Variants in KMT2E observed in about 807,000 individuals in gnomAD.
KMT2E encodes histone reader KMT2E.
A neutral mutation model predicts 184.6 loss-of-function variants in KMT2E; 30 were observed. The observed-to-expected ratio is 0.16, with a 90% CI of 0.12 to 0.22. The LOEUF is 0.22. KMT2E is among the 10% of genes least tolerant of loss of function. The pLI, the probability that KMT2E is intolerant of heterozygous loss-of-function variation, is 1.00. For synonymous variants in KMT2E, 815 were observed against 776.5 expected (o/e 1.05, Z -0.82); for missense variants, 2,023 against 2,237.4 (o/e 0.90, Z 1.93).
At chr7:105,041,328 G>C (rs758611718) in intron 3 of KMT2E, among the ~76,000 whole-genome samples, 31 of 152,112 alleles carry the variant, frequency 2.0e-4, no homozygotes, top group Non-Finnish European at 4.0e-4. Context: ...TTTTCCTATA[G>C]TATTTGATAT....
At chr7:105,070,484 A>C (rs1040820293) in intron 6 of KMT2E, among the ~76,000 whole-genome samples, 1 of 151,804 alleles carries the variant, frequency 6.6e-6, no homozygotes, top group African/African-American at 2.4e-5. Context: ...AAATACAAAA[A>C]TTAGCCGGGC....
At chr7:105,097,396 T>A (rs969852143) in intron 15 of KMT2E, among the ~76,000 whole-genome samples, 4 of 151,994 alleles carry the variant, frequency 2.6e-5, no homozygotes, top group African/African-American at 9.7e-5. Flanking sequence ...ATTTTTTTCA[T>A]TTTTTTTGAG....
intron 13 of KMT2E, among the ~76,000 whole-genome samples, chr7:105,088,240 G>T (rs766789245): frequency 4.6e-5 from 7 of 152,152 alleles, no homozygotes; most frequent in African/African-American, 7.2e-5. Flanking sequence ...ATGAGAAGAA[G>T]AATAATACTC....
chr7:105,022,813 T>C (rs1795009786), intron 1 of KMT2E, among the ~76,000 whole-genome samples: 1 of 152,218 alleles, frequency 6.6e-6, no homozygotes, highest in African/African-American at 2.4e-5. Flanking sequence ...TTAACTGATT[T>C]GTTTCTGGAT....
Position 105,101,847 on chromosome 7 carries a change from G to A in KMT2E, c.1888-39G>A, listed in dbSNP as rs755482358. 15 of 1,442,340 alleles carry A rather than the reference G, an allele frequency of 1.0e-5. No homozygotes were observed. The East Asian group carries it at 2.2e-4, about 21-fold the overall frequency. The allele number at this position is 1,442,340 out of a possible 1,614,324, so 89.3% of individuals were successfully genotyped here. A position where few individuals can be genotyped will look rare whatever the true frequency, so the allele number is the denominator to read the frequency against. On this transcript the variant is annotated intron_variant, in intron 16 of 26. Coordinates refer to ENST00000311117, the MANE Select transcript of KMT2E (RefSeq NM_182931.3). ...TATTATATTTAAACTTTATATATAT[G>A]TAGTATAAAAACTTCCATTCGCTTG...
chr7:105,077,344 A>C lies in KMT2E; in HGVS notation c.1041A>C (p.Lys347Asn), dbSNP rs1324556172. Reference protein sequence around the residue: ...QKNKKILKSAKDLPPDALIIE... With the variant: ...QKNKKILKSANDLPPDALIIE... Reference sequence around the variant, plus strand: ...ATAAGAAAATTCTTAAATCTGCAAAAGATTTGCCTCCTGATGCACTTATCA... The same window carrying C: ...ATAAGAAAATTCTTAAATCTGCAAACGATTTGCCTCCTGATGCACTTATCA... The change falls in exon 11 of 27, where the codon AAA (lysine) becomes AAC (asparagine). Residue 347 changes from lysine to asparagine, a missense_variant. Around this residue, in one of 8 missense-constraint regions of KMT2E, gnomAD observed 191 missense variants for 209.0 expected, o/e 0.91. Coordinates refer to ENST00000311117, the MANE Select transcript of KMT2E (RefSeq NM_182931.3). 4 of 1,611,414 alleles carry C rather than the reference A, an allele frequency of 2.5e-6. No individual in the cohort carries two copies. The highest frequency in any genetic ancestry group is 3.4e-6 in the Non-Finnish European group (4 of 1,177,980).
At chr7:105,026,923 G>T (rs1367333143) in intron 1 of KMT2E, among the ~76,000 whole-genome samples, 5 of 152,066 alleles carry the variant, frequency 3.3e-5, no homozygotes, top group Non-Finnish European at 5.9e-5. Flanking sequence ...GTTCATTAAG[G>T]ATTTTGGGAA....
chr7:105,046,490 G>A (rs1359722643), intron 3 of KMT2E, among the ~76,000 whole-genome samples: 1 of 152,102 alleles, frequency 6.6e-6, no homozygotes, highest in Non-Finnish European at 1.5e-5. Context: ...CGTTGTTTGA[G>A]CCAAATATTG....
chr7:105,036,414 C>T (rs1348035971), intron 1 of KMT2E, among the ~76,000 whole-genome samples: 2 of 152,086 alleles, frequency 1.3e-5, no homozygotes, highest in Non-Finnish European at 2.9e-5. Context: ...GGTGACCCAC[C>T]CGCCTAGGCC....
chr7:105,113,392 G>GTACC lies in KMT2E; in HGVS notation c.*61_*64dup, dbSNP rs1799421803. 2.7e-6 allele frequency: 4 copies of GTACC among 1,507,648 alleles called. No homozygotes were observed. Among genetic ancestry groups the GTACC allele is most frequent in the Non-Finnish European group, 2.7e-6 (3 of 1,120,158 alleles). The allele number at this position is 1,507,648 out of a possible 1,614,324, so 93.4% of individuals were successfully genotyped here. A position where few individuals can be genotyped will look rare whatever the true frequency, so the allele number is the denominator to read the frequency against. On this transcript the variant is annotated 3_prime_UTR_variant, in exon 27 of 27. Transcript: ENST00000311117. ...GTAAGATAAACTGTATATTTCATAT[G>GTACC]TACCTGTTAAGGTACTTTTTAAAGC...
intron 1 of KMT2E, among the ~76,000 whole-genome samples, chr7:105,032,982 C>T (rs1419317274): frequency 6.6e-6 from 1 of 152,158 alleles, no homozygotes; most frequent in Non-Finnish European, 1.5e-5. Context: ...TCAAACAGTT[C>T]TTCAGGAAGC....
intron 13 of KMT2E, among the ~76,000 whole-genome samples, chr7:105,088,548 G>A (rs756388497): frequency 3.3e-5 from 5 of 152,204 alleles, no homozygotes; most frequent in Admixed American, 1.3e-4. Flanking sequence ...CAAAGTGGGA[G>A]ATTTGTATTA....
At chr7:105,092,771 T>C (rs1427302802) in intron 15 of KMT2E, among the ~76,000 whole-genome samples, 2 of 152,234 alleles carry the variant, frequency 1.3e-5, no homozygotes, top group Non-Finnish European at 1.5e-5. Context: ...AGCCTTGTGC[T>C]GGGAATTTTT....
chr7:105,030,043 C>G (rs888062568), intron 1 of KMT2E, among the ~76,000 whole-genome samples: 1 of 152,170 alleles, frequency 6.6e-6, no homozygotes, highest in Non-Finnish European at 1.5e-5. Context: ...TCAGTTCTTG[C>G]TATGGAGTCA....
At chr7:105,071,450 T>TC (rs1350125885) in intron 6 of KMT2E, among the ~76,000 whole-genome samples, 3 of 150,392 alleles carry the variant, frequency 2.0e-5, no homozygotes, top group African/African-American at 7.3e-5. Flanking sequence ...CACTGCAACC[T>TC]CCGCCTCCTG....
At chr7:105,059,986 T>TG (rs1562898229) in intron 3 of KMT2E, among the ~76,000 whole-genome samples, 3 of 62,852 alleles carry the variant, frequency 4.8e-5, no homozygotes, top group Non-Finnish European at 7.6e-5. Flanking sequence ...TTGTTTTTTT[T>TG]TTTTTTTTTT....
At chr7:105,060,656 G>A in intron 3 of KMT2E, among the ~76,000 whole-genome samples, 1 of 151,670 alleles carries the variant, frequency 6.6e-6, no homozygotes. Flanking sequence ...AGCTACTCCT[G>A]AACTCCAGGC....
intron 1 of KMT2E, among the ~76,000 whole-genome samples, chr7:105,031,360 AT>A (rs1795407478): frequency 1.2e-5 from 1 of 83,706 alleles, no homozygotes; most frequent in Non-Finnish European, 2.1e-5. Flanking sequence ...CCGTCTGAGG[AT>A]TGGGGGGGTG....
intron 1 of KMT2E, among the ~76,000 whole-genome samples, chr7:105,036,855 TTAATG>T (rs1173886433): frequency 1.3e-5 from 2 of 152,214 alleles, no homozygotes; most frequent in African/African-American, 4.8e-5. Flanking sequence ...GAATAATCTG[TTAATG>T]TAATTGTAAG....
Sources: gnomAD v4.1 joint callset for allele counts (sites outside exome capture counted in the v4.1 genomes callset) on GRCh38, gnomAD v4.1.1 for gene constraint, gnomAD v4.1.1 regional missense constraint, MANE v1.5 for transcripts, NCBI Gene and HGNC (gene_info 2026-07-23, HGNC 2026-07-21) for gene names.